The following ZNF85 variants were observed in gnomAD, a reference collection of about 807,000 sequenced individuals.
ZNF85 encodes zinc finger protein 85 (HPF4, HTF1).
In ZNF85, 50 loss-of-function variants were observed where a neutral mutation model predicts 53.9. That is an observed-to-expected ratio of 0.93 (90% confidence interval 0.74 to 1.17). The LOEUF (loss-of-function observed/expected upper bound fraction) is 1.17, where lower values mean the gene tolerates loss of function less well. Ranked by LOEUF, ZNF85 falls within the 50% of genes most tolerant of loss-of-function variation. The probability of loss-of-function intolerance (pLI) is 0.00; values close to 1 mark genes in which losing one functional copy is unlikely to be tolerated. For synonymous variants in ZNF85, 225 were observed against 226.1 expected (o/e 1.00, Z 0.04); for missense variants, 747 against 688.5 (o/e 1.08, Z -0.95).
At chr19:20,939,917 G>A (rs376047542) in intron 3 of ZNF85, among the ~76,000 whole-genome samples, 103 of 150,792 alleles carry the variant, frequency 6.8e-4, no homozygotes, top group African/African-American at 2.4e-3. Context: ...GGCTTGTCTC[G>A]AACTCCCGAC....
chr19:20,933,286 A>T (rs1973070970), intron 1 of ZNF85, among the ~76,000 whole-genome samples: 7 of 151,860 alleles, frequency 4.6e-5, no homozygotes, highest in Admixed American at 4.6e-4. Flanking sequence ...CACTATAGAG[A>T]TAATTATTTT....
chr19:20,933,159 C>T (rs1452192092), intron 1 of ZNF85, among the ~76,000 whole-genome samples: 2 of 148,386 alleles, frequency 1.3e-5, no homozygotes, highest in African/African-American at 5.0e-5. Flanking sequence ...CACCACTGCA[C>T]TCCAGCCTGG....
intron 3 of ZNF85, among the ~76,000 whole-genome samples, chr19:20,940,103 GAA>G (rs143322119): frequency 1.8e-4 from 25 of 137,162 alleles, no homozygotes; most frequent in South Asian, 4.6e-4. Flanking sequence ...TCCTTTATGT[GAA>G]AAAAAAAAAA....
At chr19:20,945,054 CTG>C (rs1334715364) in intron 3 of ZNF85, among the ~76,000 whole-genome samples, 1 of 152,030 alleles carries the variant, frequency 6.6e-6, no homozygotes, top group Non-Finnish European at 1.5e-5. Context: ...TATATTATTT[CTG>C]TGTGGGAGAA....
At chr19:20,942,040 C>T (rs561361357) in intron 3 of ZNF85, among the ~76,000 whole-genome samples, 3 of 152,178 alleles carry the variant, frequency 2.0e-5, no homozygotes, top group African/African-American at 4.8e-5. Context: ...ATTGTGTGCT[C>T]ATGGCAACTT....
chr19:20,934,286 T>C, intron 2 of ZNF85, 136 bp downstream of exon 2: 6 of 1,220,304 alleles, frequency 4.9e-6, no homozygotes, highest in Non-Finnish European at 6.8e-6. Context: ...ATCTTGGGGA[T>C]TAATACATGT....
chr19:20,944,120 TAATA>T (rs1033800550), intron 3 of ZNF85: 6 of 176,992 alleles, frequency 3.4e-5, no homozygotes, highest in African/African-American at 1.4e-4. Flanking sequence ...ATTATTTTGA[TAATA>T]AATAATTTTA....
In ZNF85 at chr19:20,947,803, T is replaced by C. The variant is rs182586079; in HGVS notation, c.230-941T>C. Among the ~76,000 whole-genome samples, 457 of 151,944 alleles carry C rather than the reference T, an allele frequency of 3.0e-3. 2 individuals carry two copies. The highest frequency in any genetic ancestry group is 0.01 in the African/African-American group (429 of 41,520). ...TTTCACCTCCACAATTTCTGTTTTT[T>C]GATATTTTTAATATTTTTGTTGTTA... is the stretch of plus-strand genomic sequence containing the variant. On this transcript the variant is annotated intron_variant, in intron 3 of 3. Transcript: ENST00000328178.
chr19:20,949,263 A>G lies in ZNF85; in HGVS notation c.749A>G (p.Lys250Arg), dbSNP rs879038751. Residue 250 changes from lysine (K) to arginine (R), a missense_variant, in exon 4 of 4, where the codon AAA becomes AGA. Physicochemically the swap from Lys to Arg is conservative, Grantham distance 26. Transcript: ENST00000328178. ...NQSSNLIKHK[K>R]IHTGEKPYKC... Reference sequence around the variant, plus strand: ...TCCTCAAACCTTATTAAACATAAGAAAATTCATACTGGAGAGAAACCCTAC... The same window carrying G: ...TCCTCAAACCTTATTAAACATAAGAGAATTCATACTGGAGAGAAACCCTAC... The G allele has an allele frequency of 6.8e-6, 11 of 1,612,074 alleles. No individual in the cohort carries two copies. The highest frequency in any genetic ancestry group is 9.3e-6 in the Non-Finnish European group (11 of 1,179,310).
chr19:20,925,868 A>G (rs903055864), intron 1 of ZNF85, among the ~76,000 whole-genome samples: 2 of 152,100 alleles, frequency 1.3e-5, no homozygotes, highest in Non-Finnish European at 2.9e-5. Flanking sequence ...TTTTAATTGT[A>G]AATTGCATTT....
intron 2 of ZNF85, 134 bp downstream of exon 2, chr19:20,934,284 G>A (rs1405321998): frequency 8.1e-7 from 1 of 1,235,998 alleles, no homozygotes; most frequent in South Asian, 1.5e-5. Context: ...AAATCTTGGG[G>A]ATTAATACAT....
chr19:20,947,488 CTTTTTTTTTTTTT>C (rs768097517), intron 3 of ZNF85, among the ~76,000 whole-genome samples: 25 of 51,640 alleles, frequency 4.8e-4, no homozygotes, highest in Admixed American at 3.1e-3. Context: ...TGCCAATACA[CTTTTTTTTTTTTT>C]TTTTTTTTTT....
At chr19:20,930,120 C>CAAAAA (rs57832039) in intron 1 of ZNF85, among the ~76,000 whole-genome samples, 821 of 79,000 alleles carry the variant, frequency 0.01, 4 homozygotes, top group Non-Finnish European at 0.015. Context: ...GACTCCGTCC[C>CAAAAA]AAAAAAAAAA....
rs1158241281 is a variant in ZNF85, at chr19:20,949,125, G to A, written c.611G>A (p.Cys204Tyr). Residue 204 changes from cysteine to tyrosine, a missense_variant, in exon 4 of 4, where the codon TGT becomes TAT. Physicochemically the swap from Cys to Tyr is radical, Grantham distance 194 (BLOSUM62 -2). Coordinates refer to ENST00000328178, the MANE Select transcript of ZNF85 (RefSeq NM_003429.5). ...CATACTAGAGTAAATTTCTACAAAT[G>A]TGAAGAATGTGGAAAAGCCTTTAAC... ...RIHTRVNFYK[C>Y]EECGKAFNWS... 1.7e-5 allele frequency: 27 copies of A among 1,613,486 alleles called. No homozygotes were observed. Among genetic ancestry groups the A allele is most frequent in the African/African-American group, 5.3e-5 (4 of 74,900 alleles).
chr19:20,950,477 T>C lies in ZNF85; in HGVS notation c.*175T>C, dbSNP rs1181604275. 4.0e-6 allele frequency: 2 copies of C among 500,248 alleles called. No homozygotes were observed. Among genetic ancestry groups the C allele is most frequent in the African/African-American group, 4.0e-5 (2 of 50,516 alleles). 31.0% of individuals were successfully genotyped at this position (500,248 alleles called of 1,614,324 possible). ...AAATGTGAAGACTATGGCAAAGTCT[T>C]TAAATGGTTGTCACACTTTAGGTAA... On this transcript the variant is annotated 3_prime_UTR_variant, in exon 4 of 4. Transcript: ENST00000328178.
At chr19:20,924,262 G>A (rs1213335784) in intron 1 of ZNF85, among the ~76,000 whole-genome samples, 1 of 152,104 alleles carries the variant, frequency 6.6e-6, no homozygotes, top group African/African-American at 2.4e-5. Flanking sequence ...TAATTGGTTA[G>A]GTACAGTTAT....
intron 3 of ZNF85, among the ~76,000 whole-genome samples, chr19:20,942,270 G>A (rs1003026434): frequency 6.6e-6 from 1 of 151,706 alleles, no homozygotes; most frequent in Admixed American, 6.6e-5. Context: ...AGGTTCAGGA[G>A]TAGCTGGGAT....
At chr19:20,929,411 A>G (rs1306513243) in intron 1 of ZNF85, among the ~76,000 whole-genome samples, 1 of 151,014 alleles carries the variant, frequency 6.6e-6, no homozygotes, top group East Asian at 2.0e-4. Context: ...TTGGTCTCAA[A>G]CTCCTGACCT....
At chr19:20,942,439 C>T (rs1973319715) in intron 3 of ZNF85, among the ~76,000 whole-genome samples, 1 of 151,876 alleles carries the variant, frequency 6.6e-6, no homozygotes, top group East Asian at 1.9e-4. Context: ...ACCTTGCTGG[C>T]CTATTATGTT....
Sources: gnomAD v4.1 joint callset for allele counts (sites outside exome capture counted in the v4.1 genomes callset) on GRCh38, gnomAD v4.1.1 for gene constraint, MANE v1.5 for transcripts, NCBI Gene and HGNC (gene_info 2026-07-23, HGNC 2026-07-21) for gene names.